The following FSD1L variants were observed in gnomAD, a reference collection of about 807,000 sequenced individuals.
FSD1L encodes the protein FSD1-like protein.
Under a neutral mutation model 71.6 loss-of-function variants are expected in FSD1L, and 45 were observed. That is an observed-to-expected ratio of 0.63 (90% CI 0.49 to 0.81). FSD1L has a LOEUF of 0.81. FSD1L is among the 30% of genes least tolerant of loss of function. FSD1L has a pLI of 0.00. For synonymous variants in FSD1L, 197 were observed against 207.2 expected (o/e 0.95, Z 0.42); for missense variants, 561 against 618.1 (o/e 0.91, Z 0.98).
intron 2 of FSD1L, among the ~76,000 whole-genome samples, chr9:105,462,203 AG>A (rs1308793092): frequency 1.3e-5 from 2 of 150,516 alleles, no homozygotes; most frequent in Non-Finnish European, 3.0e-5. Flanking sequence ...TTTGGTGGAA[AG>A]TTTTTTTAAG....
chr9:105,472,127 T>G, intron 5 of FSD1L, 122 bp downstream of exon 5: 3 of 1,170,030 alleles, frequency 2.6e-6, no homozygotes, highest in Non-Finnish European at 3.3e-6. Context: ...CCTTGGGGTT[T>G]CTTGATAAGT....
intron 12 of FSD1L, 91 bp from the exon 13 acceptor site, chr9:105,539,172 A>G (rs1048856753): frequency 3.1e-6 from 2 of 647,688 alleles, no homozygotes; most frequent in Non-Finnish European, 5.3e-6. Flanking sequence ...CAACTTATAT[A>G]TTATTACTTT....
intron 10 of FSD1L, chr9:105,526,425 C>T (rs1835515149): frequency 2.5e-6 from 4 of 1,613,244 alleles, no homozygotes; most frequent in South Asian, 2.2e-5. Flanking sequence ...CCCACAGCAG[C>T]GCAGGTAGAT....
At chr9:105,479,226 GT>G in intron 5 of FSD1L, 127 bp from the exon 6 acceptor site, 1 of 701,900 alleles carries the variant, frequency 1.4e-6, no homozygotes, top group Non-Finnish European at 2.4e-6. Flanking sequence ...TATAGTTTGT[GT>G]TTTGGTGAAT....
rs1434767448 is a variant in FSD1L at position 105,546,494 on chromosome 9, G to A, written c.*11G>A. ...GTTGTTACTCAATAGTGTCTACTCA[G>A]AATACGTTTACCCTCCGTCTTGATT... On this transcript the variant is annotated 3_prime_UTR_variant, in exon 14 of 14. Coordinates refer to ENST00000481272, the MANE Select transcript of FSD1L (RefSeq NM_001145313.3). The A allele has an allele frequency of 6.5e-7, 1 of 1,530,930 alleles. No individual in the cohort carries two copies. Among genetic ancestry groups the A allele is most frequent in the African/African-American group, 1.4e-5 (1 of 71,882 alleles). 94.8% of individuals were successfully genotyped at this position (1,530,930 alleles called of 1,614,324 possible). A position where few individuals can be genotyped will look rare whatever the true frequency, so the allele number is the denominator to read the frequency against.
chr9:105,520,573 A>G, intron 10 of FSD1L: 5 of 1,366,104 alleles, frequency 3.7e-6, no homozygotes, highest in Non-Finnish European at 4.2e-6. Context: ...GCAGTTTCAT[A>G]ATATTGGATT....
At position 105,534,996 on chromosome 9, in the gene FSD1L, C is replaced by T. The variant is rs760445334; in HGVS notation, c.1127-71C>T. 2.1e-4 allele frequency: 300 copies of T among 1,457,042 alleles called. 1 individual carries two copies. The highest frequency in any genetic ancestry group is 6.6e-4 in the Admixed American group (31 of 47,164). The allele number at this position is 1,457,042 out of a possible 1,614,324, so 90.3% of individuals were successfully genotyped here. On this transcript the variant is annotated intron_variant, in intron 11 of 13. Transcript: ENST00000481272. ...AAAATTTTTGTGTCTTTTTTTGGGA[C>T]GAGTGGTAGGTAAAACTGTGTGACT...
rs41277773 is a variant in FSD1L at position 105,464,397 on chromosome 9, A to G, written c.207+66A>G. 137 of 658,652 alleles carry G rather than the reference A, an allele frequency of 2.1e-4. 1 individual carries two copies. The South Asian group carries it at 2.2e-3, about 11-fold the overall frequency. The allele number at this position is 658,652 out of a possible 1,614,324, so 40.8% of individuals were successfully genotyped here. A position where few individuals can be genotyped will look rare whatever the true frequency, so the allele number is the denominator to read the frequency against. On this transcript the variant is annotated intron_variant, in intron 3 of 13. Transcript: ENST00000481272. ...AATGAGCCAAATCTGAAGTACAAAT[A>G]TACTCTATGAATTTTGGGTTATAAA...
rs187350423 is a variant in FSD1L, at chr9:105,539,196, C to T, written c.1379-67C>T. ...TATTATTACTTTTTGCATGATTATG[C>T]GTTAGAATTAATTAAATGTTACAAT... On this transcript the variant is annotated intron_variant, in intron 12 of 13. Coordinates refer to ENST00000481272, the MANE Select transcript of FSD1L (RefSeq NM_001145313.3). The T allele has an allele frequency of 7.1e-5, 51 of 719,094 alleles. No homozygotes were observed. The Admixed American group carries it at 1.3e-3, about 18-fold the overall frequency. The allele number at this position is 719,094 out of a possible 1,614,324, so 44.5% of individuals were successfully genotyped here.
At chr9:105,526,449 C>G (rs1835517195) in intron 10 of FSD1L, 3 of 1,612,898 alleles carry the variant, frequency 1.9e-6, no homozygotes, top group Non-Finnish European at 2.5e-6. Flanking sequence ...GCTGACCTGG[C>G]CTCTCCAATG....
At chr9:105,460,591 CAAA>C (rs35223160) in intron 1 of FSD1L, among the ~76,000 whole-genome samples, 10 of 65,984 alleles carry the variant, frequency 1.5e-4, no homozygotes, top group South Asian at 1.1e-3. Context: ...GACTCCATCT[CAAA>C]AAAAAAAAAA....
intron 6 of FSD1L, among the ~76,000 whole-genome samples, 165 bp downstream of exon 6, chr9:105,479,541 C>A (rs1419417229): frequency 6.6e-6 from 1 of 152,090 alleles, no homozygotes; most frequent in Non-Finnish European, 1.5e-5. Context: ...ACCATTGTAT[C>A]AATAAAATTT....
intron 7 of FSD1L, among the ~76,000 whole-genome samples, chr9:105,498,179 C>T (rs184922588): frequency 0.011 from 1,393 of 123,890 alleles, 22 homozygotes; most frequent in African/African-American, 0.039. Flanking sequence ...TTCTTTTCTG[C>T]TTGCTTTGGC....
Position 105,534,937 on chromosome 9 carries a change from A to T in FSD1L, c.1127-130A>T, listed in dbSNP as rs1243820161. ...CTCAGCATTTAATGTCTGTGTGTTA[A>T]CATGATTATTCTTATAGGAAAAGTA... On this transcript the variant is annotated intron_variant, in intron 11 of 13. Transcript: ENST00000481272. The T allele has an allele frequency of 8.6e-6, 7 of 817,066 alleles. No homozygotes were observed. In the East Asian group the frequency reaches 1.9e-4, roughly 22 times the overall value. The allele number at this position is 817,066 out of a possible 1,614,324, so 50.6% of individuals were successfully genotyped here.
At chr9:105,491,509 G>T (rs1351784937) in intron 7 of FSD1L, among the ~76,000 whole-genome samples, 2 of 152,000 alleles carry the variant, frequency 1.3e-5, no homozygotes, top group Non-Finnish European at 2.9e-5. Flanking sequence ...CTGCCCAATT[G>T]CCCTGATCAG....
chr9:105,484,379 A>G lies in FSD1L; in HGVS notation c.465-2A>G. 1 of 1,503,196 alleles carries G rather than the reference A, an allele frequency of 6.7e-7. No homozygotes were observed. Among genetic ancestry groups the G allele is most frequent in the Non-Finnish European group, 8.9e-7 (1 of 1,129,148 alleles). 93.1% of individuals were successfully genotyped at this position (1,503,196 alleles called of 1,614,324 possible). On this transcript the variant is annotated splice_acceptor_variant, in intron 6 of 13. Coordinates refer to ENST00000481272, the MANE Select transcript of FSD1L (RefSeq NM_001145313.3). LOFTEE classifies it high-confidence loss of function. ...TAAAAAGTATGTTTGTGTTTACCGT[A>G]GAGTCACAATGGCTTCAGCCTTTCG... is the stretch of plus-strand genomic sequence containing the variant.
intron 1 of FSD1L, among the ~76,000 whole-genome samples, chr9:105,459,980 A>T (rs888527765): frequency 6.6e-6 from 1 of 152,196 alleles, no homozygotes; most frequent in Non-Finnish European, 1.5e-5. Flanking sequence ...ACAGACTCTC[A>T]TGCTGTACTG....
At chr9:105,545,575 C>T (rs892688562) in intron 13 of FSD1L, among the ~76,000 whole-genome samples, 2 of 151,406 alleles carry the variant, frequency 1.3e-5, no homozygotes, top group Non-Finnish European at 2.9e-5. Context: ...ATAAATAGCT[C>T]TTATTATTTT....
At chr9:105,448,610 C>T (rs947175324) in intron 1 of FSD1L, among the ~76,000 whole-genome samples, 1 of 95,370 alleles carries the variant, frequency 1.0e-5, no homozygotes, top group African/African-American at 4.7e-5. Context: ...GGTGAGGAAA[C>T]CGAGGCACAG....
Sources: gnomAD v4.1 joint callset for allele counts (sites outside exome capture counted in the v4.1 genomes callset) on GRCh38, gnomAD v4.1.1 for gene constraint, MANE v1.5 for transcripts, NCBI Gene and HGNC (gene_info 2026-07-23, HGNC 2026-07-21) for gene names.